The following OSBPL1A variants were observed in gnomAD, a reference collection of about 807,000 sequenced individuals.
OSBPL1A encodes the protein oxysterol-binding protein-related protein 1.
A neutral mutation model predicts 137.1 loss-of-function variants in OSBPL1A; 80 were observed. The ratio of observed to expected loss-of-function variants is 0.58; its 90% CI spans 0.49 to 0.70. OSBPL1A has a LOEUF of 0.70. OSBPL1A is among the 30% of genes least tolerant of loss of function. OSBPL1A has a pLI of 0.00. For synonymous variants in OSBPL1A, 365 were observed against 389.7 expected (o/e 0.94, Z 0.75); for missense variants, 970 against 1,129.4 (o/e 0.86, Z 2.02).
chr18:24,250,144 G>A (rs1240225338), intron 15 of OSBPL1A, among the ~76,000 whole-genome samples: 1 of 145,574 alleles, frequency 6.9e-6, no homozygotes, highest in African/African-American at 2.5e-5. Context: ...CCCAGAAGGC[G>A]TTTGTGTGTT....
chr18:24,194,500 C>G (rs1001642512), intron 18 of OSBPL1A, among the ~76,000 whole-genome samples: 27 of 152,078 alleles, frequency 1.8e-4, no homozygotes, highest in African/African-American at 6.3e-4. Flanking sequence ...CAAATAAATA[C>G]TAATTTTTAT....
At chr18:24,219,467 A>G (rs1414876006) in intron 17 of OSBPL1A, among the ~76,000 whole-genome samples, 1 of 152,150 alleles carries the variant, frequency 6.6e-6, no homozygotes, top group African/African-American at 2.4e-5. Flanking sequence ...GGGATTATTC[A>G]TCTGAAAATA....
intron 17 of OSBPL1A, among the ~76,000 whole-genome samples, chr18:24,211,010 C>G (rs9966862): frequency 0.95 from 144,295 of 152,278 alleles, 68,783 homozygotes; most frequent in Non-Finnish European, 1. Flanking sequence ...CTGTCACCCA[C>G]GCTGGAATGC....
intron 7 of OSBPL1A, among the ~76,000 whole-genome samples, chr18:24,326,118 T>C (rs946946956): frequency 6.6e-6 from 1 of 152,072 alleles, no homozygotes. Context: ...AAAAAAAACA[T>C]ACAGAATTGT....
At chr18:24,245,719 T>C (rs370482760) in intron 15 of OSBPL1A, among the ~76,000 whole-genome samples, 18 of 152,336 alleles carry the variant, frequency 1.2e-4, no homozygotes, top group African/African-American at 4.1e-4. Flanking sequence ...TTCATTATAG[T>C]ATAGTATACT....
Position 24,303,722 on chromosome 18 carries a change from C to CA in OSBPL1A, c.1093-5dup, listed in dbSNP as rs971793291. The CA allele has an allele frequency of 1.9e-6, 3 of 1,606,248 alleles. No individual in the cohort carries two copies. The highest frequency in any genetic ancestry group is 1.7e-5 in the Admixed American group (1 of 58,632). On this transcript the variant is annotated splice_region_variant and splice_polypyrimidine_tract_variant and intron_variant, in intron 13 of 27. Transcript: ENST00000319481. ...GCTGTTGGCATGACTGTGCTTTCTG[C>CA]AAAAAAAGAAAAGACAAAATTAAAA...
At chr18:24,297,014 T>C (rs758943775) in intron 14 of OSBPL1A, among the ~76,000 whole-genome samples, 6 of 152,210 alleles carry the variant, frequency 3.9e-5, no homozygotes, top group Non-Finnish European at 8.8e-5. Flanking sequence ...ACTGGCTTCA[T>C]AAAATGATTT....
intron 15 of OSBPL1A, among the ~76,000 whole-genome samples, chr18:24,277,750 C>A (rs138200305): frequency 6.6e-6 from 1 of 152,242 alleles, no homozygotes; most frequent in African/African-American, 2.4e-5. Context: ...TGTTGTAATC[C>A]TTATGCATTT....
intron 14 of OSBPL1A, among the ~76,000 whole-genome samples, chr18:24,293,246 G>C (rs1390311111): frequency 6.6e-6 from 1 of 152,080 alleles, no homozygotes; most frequent in African/African-American, 2.4e-5. Context: ...TTACCATCCT[G>C]GCACAGAGGG....
chr18:24,259,618 GC>G (rs1344560885), intron 15 of OSBPL1A, among the ~76,000 whole-genome samples: 3 of 152,110 alleles, frequency 2.0e-5, no homozygotes, highest in Admixed American at 1.3e-4. Flanking sequence ...GGCCCAGACT[GC>G]CCGCCTCTCA....
At chr18:24,199,200 G>A (rs867596303) in intron 17 of OSBPL1A, among the ~76,000 whole-genome samples, 6 of 152,016 alleles carry the variant, frequency 3.9e-5, no homozygotes, top group Non-Finnish European at 5.9e-5. Context: ...CGCCACGCAG[G>A]AGGACTGATC....
At chr18:24,251,037 G>T (rs574510336) in intron 15 of OSBPL1A, among the ~76,000 whole-genome samples, 134 of 152,310 alleles carry the variant, frequency 8.8e-4, no homozygotes, top group African/African-American at 3.2e-3. Flanking sequence ...GGAAAGGGGA[G>T]GGAAGAGCGG....
At chr18:24,236,444 G>T (rs1291434216) in intron 16 of OSBPL1A, among the ~76,000 whole-genome samples, 1 of 152,156 alleles carries the variant, frequency 6.6e-6, no homozygotes, top group Non-Finnish European at 1.5e-5. Flanking sequence ...TGATGGCTTT[G>T]ATGATTTCAA....
intron 4 of OSBPL1A, chr18:24,357,542 A>T (rs889844061): frequency 6.6e-6 from 1 of 152,150 alleles, no homozygotes; most frequent in African/African-American, 2.4e-5. Context: ...TCTTGTAGCC[A>T]CCTTATTTAG....
At chr18:24,185,332 T>C (rs1488532952) in intron 18 of OSBPL1A, among the ~76,000 whole-genome samples, 1 of 124,678 alleles carries the variant, frequency 8.0e-6, no homozygotes, top group Non-Finnish European at 1.5e-5. Flanking sequence ...TTTTTTCTTT[T>C]TTTTTTTTTT....
intron 17 of OSBPL1A, among the ~76,000 whole-genome samples, chr18:24,204,870 C>T (rs528517676): frequency 2.8e-4 from 42 of 152,212 alleles, no homozygotes; most frequent in African/African-American, 9.1e-4. Flanking sequence ...GCTTCTATCT[C>T]GGTTCAAAAG....
At chr18:24,292,812 A>G (rs1401391775) in intron 14 of OSBPL1A, among the ~76,000 whole-genome samples, 1 of 152,132 alleles carries the variant, frequency 6.6e-6, no homozygotes, top group East Asian at 1.9e-4. Flanking sequence ...GGCCTGCTCA[A>G]AGGTAACTGA....
chr18:24,335,911 T>A (rs981099480), intron 5 of OSBPL1A, among the ~76,000 whole-genome samples: 1 of 152,242 alleles, frequency 6.6e-6, no homozygotes, highest in Non-Finnish European at 1.5e-5. Context: ...CCCACATTTT[T>A]ATTTCCACAC....
intron 21 of OSBPL1A, among the ~76,000 whole-genome samples, chr18:24,176,605 C>T (rs996593273): frequency 6.6e-6 from 1 of 152,162 alleles, no homozygotes; most frequent in Non-Finnish European, 1.5e-5. Flanking sequence ...CTCTTAACCT[C>T]TTCTGGAGAA....
Sources: gnomAD v4.1 joint callset for allele counts (sites outside exome capture counted in the v4.1 genomes callset) on GRCh38, gnomAD v4.1.1 for gene constraint, MANE v1.5 for transcripts, NCBI Gene and HGNC (gene_info 2026-07-23, HGNC 2026-07-21) for gene names.